The following ABAT variants were observed in gnomAD, a reference collection of about 807,000 sequenced individuals.
The protein encoded by ABAT is 4-aminobutyrate aminotransferase, mitochondrial.
A neutral mutation model predicts 64.6 loss-of-function variants in ABAT; 45 were observed. The observed-to-expected ratio is 0.70, with a 90% CI of 0.55 to 0.89. The LOEUF is 0.89. Ranked by LOEUF, ABAT falls within the 40% of genes least tolerant of loss-of-function variation. The pLI, the probability that ABAT is intolerant of heterozygous loss-of-function variation, is 0.00. For synonymous variants in ABAT, 297 were observed against 250.5 expected, an observed-to-expected ratio of 1.19 and a Z score of -1.75; for missense variants, 633 against 658.4, an observed-to-expected ratio of 0.96 and a Z score of 0.42.
intron 2 of ABAT, among the ~76,000 whole-genome samples, chr16:8,743,847 T>C (rs1033702472): frequency 3.9e-5 from 6 of 152,000 alleles, no homozygotes; most frequent in Non-Finnish European, 5.9e-5. Context: ...AACTAACATT[T>C]CCCAACCACC....
At chr16:8,771,095 A>C (rs2060092493) in intron 11 of ABAT, among the ~76,000 whole-genome samples, 1 of 152,102 alleles carries the variant, frequency 6.6e-6, no homozygotes, top group South Asian at 2.1e-4. Flanking sequence ...CAGGAGTTCA[A>C]GAGCAGCCTG....
At chr16:8,732,187 GTTTT>G (rs1299655471) in intron 1 of ABAT, among the ~76,000 whole-genome samples, 2 of 7,098 alleles carry the variant, frequency 2.8e-4, no homozygotes, top group South Asian at 0.02. Context: ...ACTACTTTAG[GTTTT>G]TTTTGTTTTT....
chr16:8,710,727 A>AGAGAGAGAGAGAGGGGGAGAGGGAGG lies in ABAT; in HGVS notation c.-41-24969_-41-24968insAGAGAGAGAGGGGGAGAGGGAGGGAG, dbSNP rs146344975. ...GAGAGAGAGAGAGAGAGAGAGAGAGAGAGGAAATAGGCTCAGGAGCAAGCA... is the reference window on the plus strand; with the variant it reads ...GAGAGAGAGAGAGAGAGAGAGAGAGAGAGAGAGAGAGAGGGGGAGAGGGAGGGAGGAAATAGGCTCAGGAGCAAGCA... On this transcript the variant is annotated intron_variant, in intron 1 of 15. Transcript: ENST00000268251. 9.6e-5 allele frequency among the ~76,000 whole-genome samples: 10 copies of AGAGAGAGAGAGAGGGGGAGAGGGAGG among 103,758 alleles called. 1 individual carries two copies. The highest frequency in any genetic ancestry group is 8.1e-4 in the South Asian group (2 of 2,480). The allele number at this position is 103,758 out of a possible 152,430, so 68.1% of individuals were successfully genotyped here. A position where few individuals can be genotyped will look rare whatever the true frequency, so the allele number is the denominator to read the frequency against.
chr16:8,733,289 G>A (rs1416016884), intron 1 of ABAT, among the ~76,000 whole-genome samples: 93 of 151,356 alleles, frequency 6.1e-4, no homozygotes, highest in South Asian at 1.5e-3. Flanking sequence ...CCGGGAAGAG[G>A]TGGTCCTCAC....
intron 1 of ABAT, among the ~76,000 whole-genome samples, chr16:8,728,111 A>G (rs994069806): frequency 6.6e-6 from 1 of 152,186 alleles, no homozygotes; most frequent in Admixed American, 6.5e-5. Context: ...TAAACGATGC[A>G]GTGCCTTGCT....
intron 2 of ABAT, among the ~76,000 whole-genome samples, chr16:8,742,892 C>T (rs1181129770): frequency 6.8e-6 from 1 of 147,818 alleles, no homozygotes; most frequent in East Asian, 2.0e-4. Context: ...AAAAAGTAGC[C>T]GGGCGCAGTG....
intron 1 of ABAT, among the ~76,000 whole-genome samples, chr16:8,705,692 T>C (rs1596407472): frequency 6.6e-6 from 1 of 152,142 alleles, no homozygotes; most frequent in South Asian, 2.1e-4. Flanking sequence ...GGCAGTTCGT[T>C]GGTTGGTGGT....
At chr16:8,727,938 G>T (rs890182286) in intron 1 of ABAT, among the ~76,000 whole-genome samples, 4 of 152,156 alleles carry the variant, frequency 2.6e-5, no homozygotes, top group African/African-American at 4.8e-5. Context: ...AGGCATGATG[G>T]CACATGCCTG....
chr16:8,716,471 G>T (rs2142130347), intron 1 of ABAT, among the ~76,000 whole-genome samples: 1 of 152,220 alleles, frequency 6.6e-6, no homozygotes, highest in East Asian at 1.9e-4. Context: ...CCCTCACCTT[G>T]GCCAGTGATG....
intron 2 of ABAT, among the ~76,000 whole-genome samples, chr16:8,741,145 G>C (rs1040287590): frequency 6.6e-6 from 1 of 152,228 alleles, no homozygotes; most frequent in Non-Finnish European, 1.5e-5. Flanking sequence ...TTCACATATT[G>C]TGTCTGGTCT....
chr16:8,759,734 G>A (rs935937408), intron 6 of ABAT, among the ~76,000 whole-genome samples: 1 of 152,078 alleles, frequency 6.6e-6, no homozygotes, highest in Admixed American at 6.6e-5. Context: ...GGTAGAGATG[G>A]GGTTTCACCA....
chr16:8,740,302 C>T (rs2059127517), intron 2 of ABAT, among the ~76,000 whole-genome samples: 1 of 152,154 alleles, frequency 6.6e-6, no homozygotes, highest in South Asian at 2.1e-4. Context: ...GTTGGGACTC[C>T]AGGGGTGACT....
At chr16:8,739,372 G>A (rs1221464577) in intron 2 of ABAT, among the ~76,000 whole-genome samples, 1 of 152,166 alleles carries the variant, frequency 6.6e-6, no homozygotes, top group Non-Finnish European at 1.5e-5. Context: ...TCAGGAAAAC[G>A]GGTCTAATAA....
intron 1 of ABAT, among the ~76,000 whole-genome samples, chr16:8,727,080 T>A (rs1295987729): frequency 1.3e-5 from 2 of 152,228 alleles, no homozygotes; most frequent in South Asian, 4.1e-4. Flanking sequence ...CCTTTTTATA[T>A]TCTGGTTATT....
intron 1 of ABAT, among the ~76,000 whole-genome samples, chr16:8,677,860 G>A (rs1247775298): frequency 3.3e-5 from 5 of 152,038 alleles, no homozygotes; most frequent in African/African-American, 4.8e-5. Context: ...TGAGACCAGC[G>A]TGGGCAACAT....
At chr16:8,713,784 C>T (rs969529379) in intron 1 of ABAT, 3 of 446,828 alleles carry the variant, frequency 6.7e-6, no homozygotes, top group Admixed American at 4.7e-5. Flanking sequence ...CAGCTGCGTT[C>T]CTGGCCTCTG....
At chr16:8,722,370 C>A (rs2058396877) in intron 1 of ABAT, among the ~76,000 whole-genome samples, 2 of 152,182 alleles carry the variant, frequency 1.3e-5, no homozygotes, top group African/African-American at 4.8e-5. Flanking sequence ...GTCTCAAACG[C>A]CTGGCCTCAG....
chr16:8,730,423 C>T (rs1303907317), intron 1 of ABAT, among the ~76,000 whole-genome samples: 1 of 152,166 alleles, frequency 6.6e-6, no homozygotes, highest in Non-Finnish European at 1.5e-5. Flanking sequence ...CCTGATTCTC[C>T]ACACTATTCC....
intron 1 of ABAT, among the ~76,000 whole-genome samples, chr16:8,711,585 G>A (rs901247038): frequency 6.6e-6 from 1 of 152,230 alleles, no homozygotes; most frequent in Non-Finnish European, 1.5e-5. Context: ...TTGATATGCA[G>A]GACACCCTGC....
Sources: gnomAD v4.1 joint callset for allele counts (sites outside exome capture counted in the v4.1 genomes callset) on GRCh38, gnomAD v4.1.1 for gene constraint, MANE v1.5 for transcripts, NCBI Gene and HGNC (gene_info 2026-07-23, HGNC 2026-07-21) for gene names.